The following COPS8 variants were observed in gnomAD, a reference collection of about 807,000 sequenced individuals.
COPS8 encodes COP9 signalosome subunit 8.
A neutral mutation model predicts 31.5 loss-of-function variants in COPS8; 11 were observed. The observed-to-expected ratio is 0.35, with a 90% confidence interval of 0.22 to 0.58. The LOEUF (loss-of-function observed/expected upper bound fraction) is 0.58. Among genes scored for constraint, COPS8 ranks in the 20% least tolerant of loss-of-function variants. The pLI is 0.83. For missense variants in COPS8, 215 were observed against 255.1 expected, an observed-to-expected ratio of 0.84 and a Z score of 1.07; for synonymous variants, 81 against 89.3, an observed-to-expected ratio of 0.91 and a Z score of 0.52.
intron 7 of COPS8, 25 bp from the exon 8 acceptor site, chr2:237,097,638 G>A: frequency 6.4e-7 from 1 of 1,565,516 alleles, no homozygotes; most frequent in Non-Finnish European, 8.8e-7. Context: ...GTAACATGAA[G>A]TGTGTTTGTT....
In COPS8 at chr2:237,100,102, T is replaced by C. The variant is rs948461595; in HGVS notation, c.*2360T>C. Reference sequence around the variant, plus strand: ...TGTAGGGTAGTCAAAAAGCTCATGCTGGAAAATTCCACCGAATAAAGATAA... The same window carrying C: ...TGTAGGGTAGTCAAAAAGCTCATGCCGGAAAATTCCACCGAATAAAGATAA... On this transcript the variant is annotated 3_prime_UTR_variant, in exon 8 of 8. Transcript: ENST00000354371. The C allele has an allele frequency of 6.6e-6, 1 of 152,204 alleles. No homozygotes were observed. The highest frequency in any genetic ancestry group is 2.4e-5 in the African/African-American group (1 of 41,460). 9.4% of individuals were successfully genotyped at this position (152,204 alleles called of 1,614,324 possible).
Position 237,095,814 on chromosome 2 carries a change from T to G in COPS8, c.440-8T>G. 6.3e-7 allele frequency: 1 copy of G among 1,595,536 alleles called. No homozygotes were observed. The highest frequency in any genetic ancestry group is 8.6e-7 in the Non-Finnish European group (1 of 1,163,056). On this transcript the variant is annotated splice_polypyrimidine_tract_variant and splice_region_variant and intron_variant, in intron 5 of 7. Coordinates refer to ENST00000354371, the MANE Select transcript of COPS8 (RefSeq NM_006710.5). ...TTCCGGATCTTTATGTGTAATATAC[T>G]TTTTTAGGCATATTAGAACAAGGAT...
intron 1 of COPS8, chr2:237,086,829 G>A: frequency 1.7e-6 from 1 of 585,302 alleles, no homozygotes; most frequent in Non-Finnish European, 2.2e-6. Flanking sequence ...TTGAGAACTG[G>A]GGAAGGGGAT....
Position 237,096,821 on chromosome 2 carries a change from G to C in COPS8, c.503-1G>C. 1 of 1,607,384 alleles carries C rather than the reference G, an allele frequency of 6.2e-7. No individual in the cohort carries two copies. Among genetic ancestry groups the C allele is most frequent in the Non-Finnish European group, 8.5e-7 (1 of 1,176,382 alleles). On this transcript the variant is annotated splice_acceptor_variant, in intron 6 of 7. Transcript: ENST00000354371. LOFTEE classifies it high-confidence loss of function. Reference sequence around the variant, plus strand: ...GCTGTACATTTTTTTTTTGAATTTAGTTGCAGGGGCCCTGGATGTTTCCTT... The same window carrying C: ...GCTGTACATTTTTTTTTTGAATTTACTTGCAGGGGCCCTGGATGTTTCCTT...
At chr2:237,097,586 G>T (rs72975809) in intron 7 of COPS8, 77 bp from the exon 8 acceptor site, 59,729 of 951,036 alleles carry the variant, frequency 0.063, 2,603 homozygotes, top group African/African-American at 0.19. Context: ...GAAGGCATTA[G>T]GGGAGGTAGG....
Position 237,085,901 on chromosome 2 carries a change from A to G in COPS8, c.-64A>G. On this transcript the variant is annotated 5_prime_UTR_variant, in exon 1 of 8. Transcript: ENST00000354371. ...GGCTTTAAACGTCATCGCGGGCGCG[A>G]CGCCTGAGGGACAGTCTGGGGTTTG... 1 of 1,507,128 alleles carries G rather than the reference A, an allele frequency of 6.6e-7. No homozygotes were observed. The highest frequency in any genetic ancestry group is 2.4e-5 in the East Asian group (1 of 42,124). The allele number at this position is 1,507,128 out of a possible 1,614,324, so 93.4% of individuals were successfully genotyped here.
chr2:237,095,060 A>G (rs1425059347), intron 5 of COPS8, among the ~76,000 whole-genome samples: 2 of 152,240 alleles, frequency 1.3e-5, no homozygotes, highest in African/African-American at 2.4e-5. Context: ...ACCATCACGC[A>G]CTACATCCTA....
chr2:237,098,996 G>C lies in COPS8; in HGVS notation c.*1254G>C, dbSNP rs1337314158. 6.6e-6 allele frequency: 1 copy of C among 152,170 alleles called. No individual in the cohort carries two copies. Among genetic ancestry groups the C allele is most frequent in the Non-Finnish European group, 1.5e-5 (1 of 68,022 alleles). The allele number at this position is 152,170 out of a possible 1,614,324, so 9.4% of individuals were successfully genotyped here. A position where few individuals can be genotyped will look rare whatever the true frequency, so the allele number is the denominator to read the frequency against. On this transcript the variant is annotated 3_prime_UTR_variant, in exon 8 of 8. Coordinates refer to ENST00000354371, the MANE Select transcript of COPS8 (RefSeq NM_006710.5). ...AATTCAAGAAGTCAGAGGATCAGGA[G>C]AGTGATCAAGAGAATGACAGTGCCA... is the stretch of plus-strand genomic sequence containing the variant.
At chr2:237,091,508 T>C (rs959133650) in intron 4 of COPS8, among the ~76,000 whole-genome samples, 2 of 152,226 alleles carry the variant, frequency 1.3e-5, no homozygotes, top group African/African-American at 4.8e-5. Context: ...CTTTGTAAAA[T>C]GCAGCCAGGT....
intron 4 of COPS8, among the ~76,000 whole-genome samples, chr2:237,090,887 G>A (rs1258953674): frequency 6.6e-6 from 1 of 152,214 alleles, no homozygotes; most frequent in Non-Finnish European, 1.5e-5. Flanking sequence ...CAGATAGATG[G>A]GAAGGGAGGA....
rs1696845282 is a variant in COPS8, at chr2:237,098,654, CT to C, written c.*913del. On this transcript the variant is annotated 3_prime_UTR_variant, in exon 8 of 8. Coordinates refer to ENST00000354371, the MANE Select transcript of COPS8 (RefSeq NM_006710.5). The stretch of plus-strand genomic sequence containing the variant: ...GTTATAACAGCCCTTAGTTCATTTA[CT>C]CTGCATTTGTTCAATAAATATTTAA... The C allele has an allele frequency of 6.6e-6, 1 of 152,144 alleles. No individual in the cohort carries two copies. Among genetic ancestry groups the C allele is most frequent in the South Asian group, 2.1e-4 (1 of 4,828 alleles). 9.4% of individuals were successfully genotyped at this position (152,144 alleles called of 1,614,324 possible).
chr2:237,087,232 G>A, intron 2 of COPS8, 35 bp downstream of exon 2: 1 of 1,457,908 alleles, frequency 6.9e-7, no homozygotes, highest in South Asian at 1.2e-5. Flanking sequence ...AGAGCAACAG[G>A]TTTCTCAAAG....
intron 6 of COPS8, 147 bp downstream of exon 6, chr2:237,096,031 C>T (rs956967600): frequency 1.3e-5 from 8 of 605,750 alleles, no homozygotes; most frequent in Admixed American, 2.9e-5. Context: ...GCGTAGTAGA[C>T]GGGGTAGAAA....
At chr2:237,097,373 AT>A (rs1696824207) in intron 7 of COPS8, among the ~76,000 whole-genome samples, 1 of 152,118 alleles carries the variant, frequency 6.6e-6, no homozygotes, top group Non-Finnish European at 1.5e-5. Context: ...GACATGTTGC[AT>A]GATAAAAGTG....
intron 4 of COPS8, among the ~76,000 whole-genome samples, chr2:237,091,518 T>C (rs1236336571): frequency 3.3e-5 from 5 of 152,200 alleles, no homozygotes; most frequent in African/African-American, 9.6e-5. Flanking sequence ...TGCAGCCAGG[T>C]CAGGATAGTC....
At chr2:237,094,939 C>G (rs1696771563) in intron 5 of COPS8, among the ~76,000 whole-genome samples, 1 of 152,142 alleles carries the variant, frequency 6.6e-6, no homozygotes, top group Non-Finnish European at 1.5e-5. Context: ...GCACTCTAGC[C>G]TGGGCAACAC....
At chr2:237,096,586 G>A (rs1250855802) in intron 6 of COPS8, 7 of 571,780 alleles carry the variant, frequency 1.2e-5, no homozygotes, top group African/African-American at 1.1e-4. Flanking sequence ...TACAGTAAAG[G>A]ATTCTCAATG....
intron 2 of COPS8, 62 bp downstream of exon 2, chr2:237,087,259 C>A: frequency 1.6e-6 from 2 of 1,238,750 alleles, no homozygotes; most frequent in Non-Finnish European, 2.3e-6. Context: ...GGAAATATTT[C>A]TGCACTGAAG....
rs1574835904 is a variant in COPS8, at chr2:237,088,534, G to C, written c.150-71G>C. The C allele has an allele frequency of 8.9e-6, 10 of 1,118,044 alleles. No individual in the cohort carries two copies. In the East Asian group the frequency reaches 2.4e-4, roughly 27 times the overall value. 69.3% of individuals were successfully genotyped at this position (1,118,044 alleles called of 1,614,324 possible). The stretch of plus-strand genomic sequence containing the variant: ...TTCTGTATGTTTGGCTTGGGACCTG[G>C]TAGTTTTTAACATTTCCTGAGATGA... On this transcript the variant is annotated intron_variant, in intron 2 of 7. Transcript: ENST00000354371.
Sources: allele counts gnomAD v4.1 joint callset (sites outside exome capture counted in the v4.1 genomes callset), GRCh38; gene constraint gnomAD v4.1.1; transcripts MANE v1.5; gene names NCBI Gene and HGNC (gene_info 2026-07-23, HGNC 2026-07-21).